RUNX3: variants seen among roughly 807,000 people sequenced by gnomAD.
RUNX3 encodes RUNX family transcription factor 3.
In RUNX3, 10 loss-of-function variants were observed where a neutral mutation model predicts 27.7. That is an observed-to-expected ratio of 0.36 (90% CI 0.22 to 0.61). The LOEUF is 0.61. Among genes scored for constraint, RUNX3 ranks in the 20% least tolerant of loss-of-function variants. The pLI is 0.72. For synonymous variants in RUNX3, 270 were observed against 269.2 expected, an observed-to-expected ratio of 1.00 and a Z score of -0.03; for missense variants, 469 against 629.5, an observed-to-expected ratio of 0.75 and a Z score of 2.73.
At chr1:24,953,822 G>A (rs1002849802) in intron 2 of RUNX3, among the ~76,000 whole-genome samples, 2 of 152,182 alleles carry the variant, frequency 1.3e-5, no homozygotes, top group Non-Finnish European at 2.9e-5. Flanking sequence ...CAACTATTCC[G>A]AAATCTGACA....
rs529100401 is a variant in RUNX3 at position 24,902,839 on chromosome 1, G to C, written c.704-173C>G. On this transcript the variant is annotated intron_variant, in intron 4 of 4. Transcript: ENST00000308873. This position sits in a 1 kb window ranked among gnomAD's most constrained non-coding sequence, Gnocchi z 9.2. The stretch of plus-strand genomic sequence containing the variant: ...CCGGGGCCTCCCCCGCCAGGACTCC[G>C]AACACAGACCTGCCGGGAAGCTGGT... Among the ~76,000 whole-genome samples the C allele has an allele frequency of 1.3e-5, 2 of 152,134 alleles. No individual in the cohort carries two copies. Among genetic ancestry groups the C allele is most frequent in the East Asian group, 1.9e-4 (1 of 5,178 alleles).
chr1:24,952,893 T>C (rs1641803110), intron 2 of RUNX3, among the ~76,000 whole-genome samples: 1 of 152,170 alleles, frequency 6.6e-6, no homozygotes, highest in South Asian at 2.1e-4. Flanking sequence ...AAAGTAAAAA[T>C]AGATCCTATT....
chr1:24,942,026 T>C (rs1641490713), intron 2 of RUNX3, among the ~76,000 whole-genome samples: 1 of 152,198 alleles, frequency 6.6e-6, no homozygotes, highest in Non-Finnish European at 1.5e-5. Flanking sequence ...TCTCACTGCC[T>C]CACCTCTGAG....
chr1:24,957,911 C>G (rs1641987004), intron 2 of RUNX3, among the ~76,000 whole-genome samples: 1 of 152,264 alleles, frequency 6.6e-6, no homozygotes, highest in Non-Finnish European at 1.5e-5. Flanking sequence ...ACATTGCTTT[C>G]TCTCCGAAGA....
chr1:24,953,611 C>G (rs1264292180), intron 2 of RUNX3, among the ~76,000 whole-genome samples: 4 of 152,190 alleles, frequency 2.6e-5, no homozygotes, highest in Admixed American at 2.0e-4. Flanking sequence ...TGGGACATTA[C>G]TATCATCACA....
intron 3 of RUNX3, among the ~76,000 whole-genome samples, chr1:24,909,544 G>A (rs1640756717): frequency 6.6e-6 from 1 of 152,186 alleles, no homozygotes; most frequent in Admixed American, 6.5e-5. Context: ...AAACCCTGGG[G>A]ATCCTCCCTG....
At chr1:24,947,379 G>T (rs1202190656) in intron 2 of RUNX3, among the ~76,000 whole-genome samples, 1 of 152,234 alleles carries the variant, frequency 6.6e-6, no homozygotes, top group African/African-American at 2.4e-5. Context: ...CTCTCCGTCT[G>T]TGAAATGGGA....
upstream of RUNX3, chr1:24,930,378 G>A: frequency 3.1e-6 from 1 of 327,102 alleles, no homozygotes; most frequent in Non-Finnish European, 4.4e-6. This position sits in a 1 kb window ranked among gnomAD's most constrained non-coding sequence, Gnocchi z 4.1. Flanking sequence ...CCCCATCGCG[G>A]GCACCTCGGT....
chr1:24,964,508 A>G, intron 2 of RUNX3: 1 of 1,606,992 alleles, frequency 6.2e-7, no homozygotes, highest in Non-Finnish European at 8.5e-7. Flanking sequence ...GGCTATTGTT[A>G]CTCACCGCGG....
In RUNX3 at chr1:24,943,874, C is replaced by G. The variant is rs1345065166; in HGVS notation, c.59-14022G>C. Among the ~76,000 whole-genome samples the G allele has an allele frequency of 6.6e-6, 1 of 152,208 alleles. No individual in the cohort carries two copies. Among genetic ancestry groups the G allele is most frequent in the Non-Finnish European group, 1.5e-5 (1 of 68,038 alleles). On this transcript the variant is annotated intron_variant, in intron 2 of 6. Transcript: ENST00000338888. This position sits in a 1 kb window ranked among gnomAD's most constrained non-coding sequence, Gnocchi z 4.6. ...TTTTGAACATCTAACCTGAATCCCT[C>G]GTTTGCAGGGAAAGCCTCTTCCTTC...
upstream of RUNX3, among the ~76,000 whole-genome samples, chr1:24,935,152 G>A (rs1369946937): frequency 6.6e-6 from 1 of 152,228 alleles, no homozygotes. Flanking sequence ...CAGTTGGACA[G>A]GACCTTTGCC....
At chr1:24,924,618 G>C (rs1032375421) in intron 2 of RUNX3, among the ~76,000 whole-genome samples, 1 of 152,094 alleles carries the variant, frequency 6.6e-6, no homozygotes, top group Non-Finnish European at 1.5e-5. Flanking sequence ...GCTTCTGCAT[G>C]GAGGGCATTC....
rs1029381286 is a variant in RUNX3 at position 24,901,325 on chromosome 1, C to G, written c.*797G>C. The G allele has an allele frequency of 5.9e-5, 9 of 152,730 alleles. No individual in the cohort carries two copies. The highest frequency in any genetic ancestry group is 2.2e-4 in the African/African-American group (9 of 41,422). The allele number at this position is 152,730 out of a possible 1,614,324, so 9.5% of individuals were successfully genotyped here. Reference sequence around the variant, plus strand: ...AGGGGACCTCCTATCCCCCCTCCCCCGCCCTGCCAAGAGAACAGAGAGTGG... The same window carrying G: ...AGGGGACCTCCTATCCCCCCTCCCCGGCCCTGCCAAGAGAACAGAGAGTGG... On this transcript the variant is annotated 3_prime_UTR_variant, in exon 5 of 5. Transcript: ENST00000308873.
At position 24,925,929 on chromosome 1, in the gene RUNX3, T is replaced by C. The variant is rs77493793; in HGVS notation, c.439+1645A>G. Among the ~76,000 whole-genome samples, 408 of 152,116 alleles carry C rather than the reference T, an allele frequency of 2.7e-3. 4 individuals carry two copies. Among genetic ancestry groups the C allele is most frequent in the African/African-American group, 9.3e-3 (386 of 41,482 alleles). ...GAGGGGGGCTCAAGGTCTGTGGGCA[T>C]GAAAACCCCTAAAAAAATCATTCTC... On this transcript the variant is annotated intron_variant, in intron 2 of 4. Transcript: ENST00000308873.
intron 4 of RUNX3, among the ~76,000 whole-genome samples, chr1:24,903,251 C>T (rs559815285): frequency 1.6e-4 from 24 of 152,356 alleles, no homozygotes; most frequent in African/African-American, 5.3e-4. Context: ...CGTGCCTCTC[C>T]TGCCCAGGTG....
intron 3 of RUNX3, among the ~76,000 whole-genome samples, chr1:24,911,016 G>A (rs190042010): frequency 2.0e-5 from 3 of 152,338 alleles, no homozygotes; most frequent in African/African-American, 4.8e-5. Context: ...GGCCCAGTAC[G>A]GCCAGAGCTT....
chr1:24,913,610 A>G (rs1453799302), intron 3 of RUNX3, among the ~76,000 whole-genome samples: 2 of 152,252 alleles, frequency 1.3e-5, no homozygotes, highest in Non-Finnish European at 1.5e-5. Flanking sequence ...GACCCACCTC[A>G]CAGGCATATG....
Position 24,929,992 on chromosome 1 carries a change from G to A in RUNX3, c.-124C>T. On this transcript the variant is annotated 5_prime_UTR_variant, in exon 1 of 5. Transcript: ENST00000308873. ...CGGGAAAGCAGAAGCGGCGGGGCCC[G>A]GGCCTCAGGGCGCAGGGGGCGGCGC... 1 of 1,164,504 alleles carries A rather than the reference G, an allele frequency of 8.6e-7. No individual in the cohort carries two copies. The highest frequency in any genetic ancestry group is 1.1e-6 in the Non-Finnish European group (1 of 946,350). 72.1% of individuals were successfully genotyped at this position (1,164,504 alleles called of 1,614,324 possible).
At chr1:24,933,972 C>G (rs1213971774), upstream of RUNX3, among the ~76,000 whole-genome samples, 1 of 152,218 alleles carries the variant, frequency 6.6e-6, no homozygotes, top group African/African-American at 2.4e-5. Context: ...CCCTAGAACT[C>G]AAAGGGGACA....
Sources: gnomAD v4.1 joint callset for allele counts (sites outside exome capture counted in the v4.1 genomes callset) on GRCh38, gnomAD v4.1.1 for gene constraint, Gnocchi (gnomAD v3.1) non-coding constraint, MANE v1.5 for transcripts, NCBI Gene and HGNC (gene_info 2026-07-23, HGNC 2026-07-21) for gene names.